RFTN1: variants seen among roughly 807,000 people sequenced by gnomAD.
RFTN1 encodes raftlin, lipid raft linker 1, also known as raftlin.
In RFTN1, 26 loss-of-function variants were observed where a neutral mutation model predicts 46.5. That is an observed-to-expected ratio of 0.56 (90% CI 0.41 to 0.78). The LOEUF is 0.78. Among genes scored for constraint, RFTN1 ranks in the 30% least tolerant of loss-of-function variants. RFTN1 has a pLI of 0.00. For synonymous variants in RFTN1, 261 were observed against 284.2 expected (o/e 0.92, Z 0.82); for missense variants, 693 against 718.7 (o/e 0.96, Z 0.41).
rs1393316951 is a variant in RFTN1, at chr3:16,426,381, C to G, written c.332+7470G>C. Among the ~76,000 whole-genome samples the G allele has an allele frequency of 2.0e-5, 3 of 152,148 alleles. No individual in the cohort carries two copies. Among genetic ancestry groups the G allele is most frequent in the Non-Finnish European group, 4.4e-5 (3 of 68,038 alleles). ...GACACAAGGCCACTTAAAGAGGACA[C>G]TTTCGACTGTAATTTTTTAAAGGAT... is the stretch of plus-strand genomic sequence containing the variant. On this transcript the variant is annotated intron_variant, in intron 3 of 9. Coordinates refer to ENST00000334133, the MANE Select transcript of RFTN1 (RefSeq NM_015150.2). The surrounding 1 kb of genome is among the most constrained non-coding windows in gnomAD (Gnocchi z 5.9).
chr3:16,355,165 T>G (rs2072355281), intron 7 of RFTN1, among the ~76,000 whole-genome samples: 1 of 152,198 alleles, frequency 6.6e-6, no homozygotes. Context: ...AAATCTAGGC[T>G]CTTTCTAGCC....
At chr3:16,391,129 C>T (rs746578702) in intron 4 of RFTN1, among the ~76,000 whole-genome samples, 25 of 152,174 alleles carry the variant, frequency 1.6e-4, no homozygotes, top group Non-Finnish European at 3.4e-4. Context: ...ACCTCCATCA[C>T]CCTCATCCCT....
chr3:16,505,284 G>A (rs888426026), intron 1 of RFTN1, among the ~76,000 whole-genome samples: 2 of 152,120 alleles, frequency 1.3e-5, no homozygotes, highest in Non-Finnish European at 2.9e-5. Flanking sequence ...ACCCTAGAGT[G>A]AAGTCAGGCT....
At position 16,370,315 on chromosome 3, in the gene RFTN1, G is replaced by C; in HGVS notation, c.827-36C>G. On this transcript the variant is annotated intron_variant, in intron 5 of 9. Transcript: ENST00000334133. This position sits in a 1 kb window ranked among gnomAD's most constrained non-coding sequence, Gnocchi z 5.5. ...TTGTAAAGGGAGTGGAGAGAGAAGA[G>C]GTCAACTGATGATAAAAATCTGTTT... 6.3e-7 allele frequency: 1 copy of C among 1,591,392 alleles called. No homozygotes were observed. The highest frequency in any genetic ancestry group is 8.6e-7 in the Non-Finnish European group (1 of 1,159,526).
At chr3:16,408,662 T>A (rs1236570803) in intron 4 of RFTN1, among the ~76,000 whole-genome samples, 1 of 137,038 alleles carries the variant, frequency 7.3e-6, no homozygotes, top group Non-Finnish European at 1.6e-5. Context: ...CATCTAGTAC[T>A]ATTCCTGGCC....
chr3:16,434,164 T>C, intron 2 of RFTN1, 127 bp from the exon 3 acceptor site: 1 of 766,950 alleles, frequency 1.3e-6, no homozygotes, highest in South Asian at 1.9e-5. Flanking sequence ...TTTGTCCCAG[T>C]TTTTACTGTC....
chr3:16,324,340 GT>G (rs1431374867), intron 8 of RFTN1, among the ~76,000 whole-genome samples: 5 of 152,086 alleles, frequency 3.3e-5, no homozygotes, highest in Non-Finnish European at 7.4e-5. Flanking sequence ...AGGCATTATT[GT>G]TTATAATAGT....
chr3:16,445,921 G>GT lies in RFTN1; in HGVS notation c.146-11885dup, dbSNP rs77444396. On this transcript the variant is annotated intron_variant, in intron 2 of 9. Coordinates refer to ENST00000334133, the MANE Select transcript of RFTN1 (RefSeq NM_015150.2). The stretch of plus-strand genomic sequence containing the variant: ...TTAATTCTACAAATTGTTCATTGAA[G>GT]TTTTTTTTTTTTTCCCTGTCTTGCC... Among the ~76,000 whole-genome samples, 1,419 of 144,892 alleles carry GT rather than the reference G, an allele frequency of 9.8e-3. 6 individuals carry two copies. The highest frequency in any genetic ancestry group is 0.014 in the Non-Finnish European group (903 of 65,660).
chr3:16,366,000 GT>G (rs2073143843), intron 6 of RFTN1, among the ~76,000 whole-genome samples: 1 of 152,190 alleles, frequency 6.6e-6, no homozygotes, highest in Admixed American at 6.5e-5. Flanking sequence ...AAACAAAGAG[GT>G]GGAGGACTGC....
intron 2 of RFTN1, among the ~76,000 whole-genome samples, chr3:16,467,978 C>T (rs1478885457): frequency 6.6e-6 from 1 of 152,122 alleles, no homozygotes; most frequent in Admixed American, 6.5e-5. Context: ...CTACTACCCC[C>T]AAATTAATTC....
intron 7 of RFTN1, among the ~76,000 whole-genome samples, chr3:16,357,661 A>G (rs1474796518): frequency 6.6e-6 from 1 of 152,198 alleles, no homozygotes; most frequent in Non-Finnish European, 1.5e-5. Context: ...AGTTATATGC[A>G]AATTAATGGA....
intron 7 of RFTN1, among the ~76,000 whole-genome samples, chr3:16,354,356 T>A (rs889034438): frequency 6.6e-6 from 1 of 152,210 alleles, no homozygotes; most frequent in Non-Finnish European, 1.5e-5. Flanking sequence ...GTTACAGTCT[T>A]CCCACAAGAT....
At chr3:16,377,155 T>C (rs184349053) in intron 5 of RFTN1, among the ~76,000 whole-genome samples, 209 of 152,082 alleles carry the variant, frequency 1.4e-3, no homozygotes, top group African/African-American at 4.7e-3. Context: ...GTAAATCTTA[T>C]TAAGGGCCTC....
At chr3:16,461,120 C>A (rs2076002618) in intron 2 of RFTN1, among the ~76,000 whole-genome samples, 3 of 152,214 alleles carry the variant, frequency 2.0e-5, no homozygotes, top group South Asian at 4.1e-4. Flanking sequence ...ACAACATGGG[C>A]CCCATTAAGC....
At chr3:16,438,040 A>G (rs1345052343) in intron 2 of RFTN1, among the ~76,000 whole-genome samples, 1 of 152,184 alleles carries the variant, frequency 6.6e-6, no homozygotes, top group Non-Finnish European at 1.5e-5. Context: ...TCCAGCACCA[A>G]GATCCCCTCT....
chr3:16,407,966 T>C lies in RFTN1; in HGVS notation c.441+1409A>G, dbSNP rs938974018. On this transcript the variant is annotated intron_variant, in intron 4 of 9. Coordinates refer to ENST00000334133, the MANE Select transcript of RFTN1 (RefSeq NM_015150.2). This position sits in a 1 kb window ranked among gnomAD's most constrained non-coding sequence, Gnocchi z 4.0. The stretch of plus-strand genomic sequence containing the variant: ...GAGTCCCTGGAGCCTGAACACTCAA[T>C]ACATGTTGAAGGGAGGGTGGCAGCA... 2.0e-5 allele frequency among the ~76,000 whole-genome samples: 3 copies of C among 152,096 alleles called. No individual in the cohort carries two copies. The highest frequency in any genetic ancestry group is 2.0e-4 in the Admixed American group (3 of 15,270).
At chr3:16,368,633 TGCATTCCA>T (rs777793838) in intron 6 of RFTN1, among the ~76,000 whole-genome samples, 1 of 144,412 alleles carries the variant, frequency 6.9e-6, no homozygotes, top group East Asian at 2.1e-4. Context: ...ATCGCGCCAC[TGCATTCCA>T]GCACTCCAGC....
chr3:16,407,836 A>G lies in RFTN1; in HGVS notation c.441+1539T>C, dbSNP rs1278168292. Among the ~76,000 whole-genome samples, 2 of 152,228 alleles carry G rather than the reference A, an allele frequency of 1.3e-5. No individual in the cohort carries two copies. Among genetic ancestry groups the G allele is most frequent in the Non-Finnish European group, 1.5e-5 (1 of 67,998 alleles). On this transcript the variant is annotated intron_variant, in intron 4 of 9. Transcript: ENST00000334133. The surrounding 1 kb of genome is among the most constrained non-coding windows in gnomAD (Gnocchi z 4.0). ...AATAATCTGAATTCTACCAGAGTAGAAAGAGCCTCCCTCATCCTAGTAAAA... is the reference window on the plus strand; with the variant it reads ...AATAATCTGAATTCTACCAGAGTAGGAAGAGCCTCCCTCATCCTAGTAAAA...
intron 3 of RFTN1, among the ~76,000 whole-genome samples, chr3:16,411,893 T>G (rs2074987173): frequency 6.6e-6 from 1 of 152,208 alleles, no homozygotes; most frequent in African/African-American, 2.4e-5. Flanking sequence ...ATCCATTAAG[T>G]ACAACATTCA....
Sources: gnomAD v4.1 joint callset for allele counts (sites outside exome capture counted in the v4.1 genomes callset) on GRCh38, gnomAD v4.1.1 for gene constraint, Gnocchi (gnomAD v3.1) non-coding constraint, MANE v1.5 for transcripts, NCBI Gene and HGNC (gene_info 2026-07-23, HGNC 2026-07-21) for gene names.